Variants in UBXN10 observed in about 807,000 individuals in gnomAD.
UBXN10 encodes UBX domain protein 10.
In UBXN10, 6 loss-of-function variants were observed where a neutral mutation model predicts 6.9. That is an observed-to-expected ratio of 0.87 (90% CI 0.48 to 1.72). The LOEUF is 1.72. Ranked by LOEUF, UBXN10 falls within the 40% of genes most tolerant of loss-of-function variation. The pLI, the probability that UBXN10 is intolerant of heterozygous loss-of-function variation, is 0.01. For synonymous variants in UBXN10, 131 were observed against 135.2 expected, an observed-to-expected ratio of 0.97 and a Z score of 0.21; for missense variants, 317 against 348.4, an observed-to-expected ratio of 0.91 and a Z score of 0.72.
chr1:20,191,582 G>A lies in UBXN10; in HGVS notation c.*178G>A, dbSNP rs577303359. The A allele has an allele frequency of 2.7e-4, 251 of 938,888 alleles. No individual in the cohort carries two copies. In the African/African-American group the frequency reaches 3.5e-3, roughly 13 times the overall value. The allele number at this position is 938,888 out of a possible 1,614,324, so 58.2% of individuals were successfully genotyped here. A position where few individuals can be genotyped will look rare whatever the true frequency, so the allele number is the denominator to read the frequency against. Reference sequence around the variant, plus strand: ...AGTGAAGTCTGTGCCTATGCCGAGCGCGCTAAGAAGTCTCCCTTCCAGCTG... The same window carrying A: ...AGTGAAGTCTGTGCCTATGCCGAGCACGCTAAGAAGTCTCCCTTCCAGCTG... On this transcript the variant is annotated 3_prime_UTR_variant, in exon 2 of 2. Coordinates refer to ENST00000375099, the MANE Select transcript of UBXN10 (RefSeq NM_152376.5). The surrounding 1 kb of genome is among the most constrained non-coding windows in gnomAD (Gnocchi z 4.5).
At chr1:20,185,498 G>A (rs2018355520), upstream of UBXN10, among the ~76,000 whole-genome samples, 2 of 152,222 alleles carry the variant, frequency 1.3e-5, no homozygotes, top group Non-Finnish European at 2.9e-5. Flanking sequence ...CAAGTGGCTG[G>A]AAGTGGAAGA....
At chr1:20,185,757 G>C (rs1374437872), upstream of UBXN10, among the ~76,000 whole-genome samples, 1 of 152,160 alleles carries the variant, frequency 6.6e-6, no homozygotes, top group Admixed American at 6.5e-5. Flanking sequence ...GTCAGGGCCT[G>C]ACCCAAGGTG....
intron 1 of UBXN10, among the ~76,000 whole-genome samples, chr1:20,189,846 G>A (rs1218423879): frequency 1.3e-5 from 2 of 152,200 alleles, no homozygotes; most frequent in African/African-American, 2.4e-5. Context: ...ACACAGGATC[G>A]GGTGTCACAA....
upstream of UBXN10, among the ~76,000 whole-genome samples, chr1:20,183,828 G>A (rs2018316542): frequency 6.6e-6 from 1 of 152,260 alleles, no homozygotes; most frequent in Non-Finnish European, 1.5e-5. Flanking sequence ...CTGCAGCCCA[G>A]GGAGAGAGCT....
At position 20,189,604 on chromosome 1, in the gene UBXN10, A is replaced by G. The variant is rs547309656; in HGVS notation, c.-15-943A>G. On this transcript the variant is annotated intron_variant, in intron 1 of 1. Coordinates refer to ENST00000375099, the MANE Select transcript of UBXN10 (RefSeq NM_152376.5). ...GTGCCTATCGGGTAGCTGGGAAGAC[A>G]GAAGTCTGAACAGCTCGGGAGGCTG... Among the ~76,000 whole-genome samples, 7 of 152,280 alleles carry G rather than the reference A, an allele frequency of 4.6e-5. 1 individual carries two copies. The South Asian group carries it at 1.5e-3, about 32-fold the overall frequency.
chr1:20,183,484 G>C (rs1317545078), upstream of UBXN10, among the ~76,000 whole-genome samples: 1 of 152,210 alleles, frequency 6.6e-6, no homozygotes, highest in Non-Finnish European at 1.5e-5. Flanking sequence ...CCTTCACCAG[G>C]GGGAACCCTG....
In UBXN10 at chr1:20,191,281, C is replaced by G; in HGVS notation, c.720C>G (p.Ser240Arg). The G allele has an allele frequency of 6.2e-7, 1 of 1,614,232 alleles. No individual in the cohort carries two copies. The highest frequency in any genetic ancestry group is 8.5e-7 in the Non-Finnish European group (1 of 1,180,036). The change falls in exon 2 of 2, where the codon AGC (serine) becomes AGG (arginine). Residue 240 changes from serine (S) to arginine (R), a missense_variant. Coordinates refer to ENST00000375099, the MANE Select transcript of UBXN10 (RefSeq NM_152376.5). This position sits in a 1 kb window ranked among gnomAD's most constrained non-coding sequence, Gnocchi z 4.5. ...QKNKTSYRHC[S>R]IETMEVPRRR... The stretch of plus-strand genomic sequence containing the variant: ...ACAAAACCTCCTACCGACACTGCAG[C>G]ATTGAAACAATGGAGGTGCCCAGGA...
In UBXN10 at chr1:20,194,583, C is replaced by T. The variant is rs1056725808; in HGVS notation, c.*3179C>T. 2.4e-5 allele frequency: 4 copies of T among 167,074 alleles called. No homozygotes were observed. The highest frequency in any genetic ancestry group is 9.7e-5 in the African/African-American group (4 of 41,436). The allele number at this position is 167,074 out of a possible 1,614,324, so 10.3% of individuals were successfully genotyped here. The stretch of plus-strand genomic sequence containing the variant: ...TAACCTTAAAGACTAGAGCCAGATC[C>T]ACCTGCATTACAAAAGCAGGCATTC... On this transcript the variant is annotated 3_prime_UTR_variant, in exon 2 of 2. Transcript: ENST00000375099.
At position 20,190,521 on chromosome 1, in the gene UBXN10, CTCCTGTTTTTT is replaced by C. The variant is rs1168126626; in HGVS notation, c.-15-20_-15-10del. The C allele has an allele frequency of 1.0e-5, 16 of 1,576,670 alleles. No individual in the cohort carries two copies. The highest frequency in any genetic ancestry group is 9.5e-6 in the Non-Finnish European group (11 of 1,159,494). ...AGTCCCAGGAAGTTTAACCCACGGA[CTCCTGTTTTTT>C]TCCTGCTTCCTTAGGGGTCTTGAGA... is the stretch of plus-strand genomic sequence containing the variant. On this transcript the variant is annotated splice_polypyrimidine_tract_variant and intron_variant, in intron 1 of 1. Transcript: ENST00000375099.
rs1341798542 is a variant in UBXN10, at chr1:20,190,999, G to C, written c.438G>C (p.Arg146=). The C allele has an allele frequency of 6.2e-7, 1 of 1,614,136 alleles. No homozygotes were observed. The part of the protein sequence containing the change: ...KASSLQLSSI[R]ALYQDETGTM... ...GCTCACTGCAACTGAGCAGTATCCG[G>C]GCTCTTTACCAAGACGAGACGGGCA... The change falls in exon 2 of 2, where the codon CGG becomes CGC. Residue 146 remains arginine, a synonymous_variant. Coordinates refer to ENST00000375099, the MANE Select transcript of UBXN10 (RefSeq NM_152376.5).
chr1:20,191,120 G>T lies in UBXN10; in HGVS notation c.559G>T (p.Gly187Ter), dbSNP rs1364540936. The T allele has an allele frequency of 6.2e-7, 1 of 1,614,094 alleles. No individual in the cohort carries two copies. The highest frequency in any genetic ancestry group is 1.3e-5 in the African/African-American group (1 of 74,928). ...RTKKQGSSRA[G>*]NLEEPSDQEP... ...CAAGAAACAGGGCTCTTCCAGGGCT[G>T]GAAATCTGGAGGAACCATCGGACCA... Residue 187 changes from glycine (G) to a stop codon, truncating the protein, a stop_gained, in exon 2 of 2, where the codon GGA becomes TGA. Transcript: ENST00000375099. LOFTEE classifies it high-confidence loss of function. This position sits in a 1 kb window ranked among gnomAD's most constrained non-coding sequence, Gnocchi z 4.5.
At position 20,194,928 on chromosome 1, in the gene UBXN10, C is replaced by G. The variant is rs888566112; in HGVS notation, c.*3524C>G. 3 of 167,092 alleles carry G rather than the reference C, an allele frequency of 1.8e-5. No individual in the cohort carries two copies. Among genetic ancestry groups the G allele is most frequent in the African/African-American group, 7.2e-5 (3 of 41,456 alleles). 10.4% of individuals were successfully genotyped at this position (167,092 alleles called of 1,614,324 possible). A position where few individuals can be genotyped will look rare whatever the true frequency, so the allele number is the denominator to read the frequency against. Reference sequence around the variant, plus strand: ...ACACCCCACAGTAAAGTTAAAAGTTCACGAGCCTATTGACTCTCATCCAGA... The same window carrying G: ...ACACCCCACAGTAAAGTTAAAAGTTGACGAGCCTATTGACTCTCATCCAGA... On this transcript the variant is annotated 3_prime_UTR_variant, in exon 2 of 2. Transcript: ENST00000375099.
Position 20,191,991 on chromosome 1 carries a change from A to G in UBXN10, c.*587A>G, listed in dbSNP as rs1453026210. On this transcript the variant is annotated 3_prime_UTR_variant, in exon 2 of 2. Transcript: ENST00000375099. This position sits in a 1 kb window ranked among gnomAD's most constrained non-coding sequence, Gnocchi z 4.5. ...TTTGTGTGAGGTGGCATCTAAGGGA[A>G]GAATGGGTTTTCTTCCCCAAAACAT... 1 of 167,234 alleles carries G rather than the reference A, an allele frequency of 6.0e-6. No homozygotes were observed. The highest frequency in any genetic ancestry group is 2.4e-5 in the African/African-American group (1 of 41,458). 10.4% of individuals were successfully genotyped at this position (167,234 alleles called of 1,614,324 possible).
upstream of UBXN10, among the ~76,000 whole-genome samples, chr1:20,185,878 A>G (rs1309693066): frequency 1.3e-5 from 2 of 152,146 alleles, no homozygotes; most frequent in Non-Finnish European, 2.9e-5. Context: ...CGGTGACGCT[A>G]GGAAGAGGAG....
At position 20,193,826 on chromosome 1, in the gene UBXN10, G is replaced by A. The variant is rs1167683394; in HGVS notation, c.*2422G>A. 1 of 167,050 alleles carries A rather than the reference G, an allele frequency of 6.0e-6. No homozygotes were observed. The highest frequency in any genetic ancestry group is 2.4e-5 in the African/African-American group (1 of 41,430). 10.3% of individuals were successfully genotyped at this position (167,050 alleles called of 1,614,324 possible). A position where few individuals can be genotyped will look rare whatever the true frequency, so the allele number is the denominator to read the frequency against. On this transcript the variant is annotated 3_prime_UTR_variant, in exon 2 of 2. Coordinates refer to ENST00000375099, the MANE Select transcript of UBXN10 (RefSeq NM_152376.5). The stretch of plus-strand genomic sequence containing the variant: ...AACTAAATCAGAATTCAGAGTTCCT[G>A]ATGGCTCCACATGTTGCATTGCAGC...
rs907675448 is a variant in UBXN10 at position 20,193,561 on chromosome 1, C to T, written c.*2157C>T. On this transcript the variant is annotated 3_prime_UTR_variant, in exon 2 of 2. Transcript: ENST00000375099. ...GTATTTTAACCTAAGGCTTCAGCTC[C>T]CACACACGACTGGACAGAGGGGTGT... 1 of 166,984 alleles carries T rather than the reference C, an allele frequency of 6.0e-6. No individual in the cohort carries two copies. Among genetic ancestry groups the T allele is most frequent in the African/African-American group, 2.4e-5 (1 of 41,426 alleles). 10.3% of individuals were successfully genotyped at this position (166,984 alleles called of 1,614,324 possible).
Position 20,194,709 on chromosome 1 carries a change from CT to C in UBXN10, c.*3306del. 1 of 167,202 alleles carries C rather than the reference CT, an allele frequency of 6.0e-6. No homozygotes were observed. Among genetic ancestry groups the C allele is most frequent in the Non-Finnish European group, 1.5e-5 (1 of 68,104 alleles). The allele number at this position is 167,202 out of a possible 1,614,324, so 10.4% of individuals were successfully genotyped here. A position where few individuals can be genotyped will look rare whatever the true frequency, so the allele number is the denominator to read the frequency against. On this transcript the variant is annotated 3_prime_UTR_variant, in exon 2 of 2. Transcript: ENST00000375099. ...CCTGCCTCTTGGGACAAAGATGTTT[CT>C]CTTTACTTAGTTTTAAAAATAAAAT...
intron 1 of UBXN10, 149 bp downstream of exon 1, chr1:20,186,302 GC>G (rs2018391809): frequency 6.6e-6 from 1 of 152,288 alleles, no homozygotes; most frequent in Admixed American, 6.5e-5. Flanking sequence ...CGGGAGACAG[GC>G]GAGGAGCCTG....
Position 20,192,088 on chromosome 1 carries a change from T to A in UBXN10, c.*684T>A, listed in dbSNP as rs2018513652. The A allele has an allele frequency of 6.0e-6, 1 of 167,124 alleles. No individual in the cohort carries two copies. The highest frequency in any genetic ancestry group is 2.1e-4 in the South Asian group (1 of 4,830). The allele number at this position is 167,124 out of a possible 1,614,324, so 10.4% of individuals were successfully genotyped here. A position where few individuals can be genotyped will look rare whatever the true frequency, so the allele number is the denominator to read the frequency against. ...TGAGCATGGATTACCCAGTAGCTAC[T>A]TTTTAATAGAGACTGACTAGGTTTA... On this transcript the variant is annotated 3_prime_UTR_variant, in exon 2 of 2. Transcript: ENST00000375099.
Sources: allele counts gnomAD v4.1 joint callset (sites outside exome capture counted in the v4.1 genomes callset), GRCh38; gene constraint gnomAD v4.1.1; non-coding constraint Gnocchi (gnomAD v3.1); transcripts MANE v1.5; gene names NCBI Gene and HGNC (gene_info 2026-07-23, HGNC 2026-07-21).